Variants in MDGA2 observed in about 807,000 individuals in gnomAD.
MDGA2 encodes the protein MAM domain containing glycosylphosphatidylinositol anchor 2.
In MDGA2, 40 loss-of-function variants were observed where a neutral mutation model predicts 117.8. That is an observed-to-expected ratio of 0.34 (90% confidence interval 0.26 to 0.44). The LOEUF (loss-of-function observed/expected upper bound fraction) is 0.44. Ranked by LOEUF, MDGA2 falls within the 20% of genes least tolerant of loss-of-function variation. The pLI is 1.00. For synonymous variants in MDGA2, 452 were observed against 439.0 expected, an observed-to-expected ratio of 1.03 and a Z score of -0.37; for missense variants, 1,123 against 1,250.6, an observed-to-expected ratio of 0.90 and a Z score of 1.54.
chr14:47,396,186 T>TA (rs1892004614), intron 1 of MDGA2, among the ~76,000 whole-genome samples: 1 of 152,150 alleles, frequency 6.6e-6, no homozygotes, highest in African/African-American at 2.4e-5. Context: ...GGAATTTTAT[T>TA]TTTTTTCTGT....
intron 11 of MDGA2, among the ~76,000 whole-genome samples, chr14:46,879,357 TG>T (rs1474421498): frequency 1.3e-5 from 2 of 152,122 alleles, no homozygotes; most frequent in African/African-American, 4.8e-5. Flanking sequence ...AAGTTTGTGT[TG>T]TTTAAGCCTC....
At chr14:47,155,913 T>C (rs1566654752) in intron 3 of MDGA2, among the ~76,000 whole-genome samples, 3 of 57,048 alleles carry the variant, frequency 5.3e-5, no homozygotes, top group East Asian at 3.9e-4. Flanking sequence ...TTTTTTTTTT[T>C]TTTTTTTTTT....
intron 1 of MDGA2, among the ~76,000 whole-genome samples, chr14:47,544,018 C>A (rs933485043): frequency 6.6e-6 from 1 of 152,140 alleles, no homozygotes; most frequent in Non-Finnish European, 1.5e-5. Flanking sequence ...CTTCTTTGGT[C>A]CTCCTCAGGC....
intron 15 of MDGA2, among the ~76,000 whole-genome samples, chr14:46,854,117 A>G (rs1881169750): frequency 6.6e-6 from 1 of 151,722 alleles, no homozygotes; most frequent in African/African-American, 2.4e-5. Context: ...ATTAGATTAC[A>G]AGAAAAGGTC....
At chr14:47,143,850 A>T (rs974019382) in intron 4 of MDGA2, among the ~76,000 whole-genome samples, 107 of 152,350 alleles carry the variant, frequency 7.0e-4, no homozygotes, top group African/African-American at 2.5e-3. Flanking sequence ...GTTAGGACAT[A>T]GTAAGTTAAA....
At chr14:47,382,365 A>T (rs546396970) in intron 1 of MDGA2, among the ~76,000 whole-genome samples, 17 of 152,344 alleles carry the variant, frequency 1.1e-4, no homozygotes, top group African/African-American at 4.1e-4. Flanking sequence ...GGATCTAATT[A>T]AACTAAAGAG....
intron 7 of MDGA2, among the ~76,000 whole-genome samples, chr14:47,060,257 T>G (rs1443929842): frequency 6.6e-6 from 1 of 152,070 alleles, no homozygotes; most frequent in Non-Finnish European, 1.5e-5. Flanking sequence ...GTTAGCACAT[T>G]TTTGTTAGCC....
chr14:47,039,078 A>T (rs1888968938), intron 7 of MDGA2, among the ~76,000 whole-genome samples: 1 of 152,118 alleles, frequency 6.6e-6, no homozygotes, highest in African/African-American at 2.4e-5. Flanking sequence ...GTCCCCACTA[A>T]ATTTTCTATC....
intron 7 of MDGA2, among the ~76,000 whole-genome samples, chr14:47,037,574 G>A (rs1371512486): frequency 6.6e-6 from 1 of 152,132 alleles, no homozygotes; most frequent in Non-Finnish European, 1.5e-5. Context: ...ATGAATGTGA[G>A]GGAGTATACA....
chr14:47,004,221 C>A (rs1887632090), intron 8 of MDGA2, among the ~76,000 whole-genome samples: 1 of 151,772 alleles, frequency 6.6e-6, no homozygotes, highest in Non-Finnish European at 1.5e-5. Flanking sequence ...CAGAGAAATA[C>A]AAATTAATGA....
At chr14:46,998,760 C>G (rs1436993017) in intron 8 of MDGA2, among the ~76,000 whole-genome samples, 3 of 152,062 alleles carry the variant, frequency 2.0e-5, no homozygotes, top group Admixed American at 2.0e-4. Flanking sequence ...TCATTATTAA[C>G]TAAATATGTG....
At chr14:47,664,648 G>T (rs1897909496) in intron 1 of MDGA2, among the ~76,000 whole-genome samples, 1 of 152,162 alleles carries the variant, frequency 6.6e-6, no homozygotes, top group Non-Finnish European at 1.5e-5. Flanking sequence ...ATGCTGTCTT[G>T]CACTGTAATA....
intron 10 of MDGA2, among the ~76,000 whole-genome samples, chr14:46,892,081 T>A (rs1882906382): frequency 6.6e-6 from 1 of 151,836 alleles, no homozygotes; most frequent in Admixed American, 6.6e-5. Flanking sequence ...AAATGTTTTT[T>A]AAATAAGCTT....
chr14:47,143,992 T>C (rs1212260554), intron 4 of MDGA2, 86 bp downstream of exon 4: 1 of 1,025,330 alleles, frequency 9.8e-7, no homozygotes, highest in Non-Finnish European at 1.3e-6. Flanking sequence ...AGAAACTATC[T>C]TTTCAAATAG....
intron 2 of MDGA2, among the ~76,000 whole-genome samples, chr14:47,220,969 C>CT (rs1291504730): frequency 6.6e-6 from 1 of 152,188 alleles, no homozygotes. Context: ...AAATAATACT[C>CT]TAACTCCCAA....
intron 2 of MDGA2, among the ~76,000 whole-genome samples, chr14:47,239,176 T>C (rs1214582015): frequency 1.3e-5 from 2 of 150,904 alleles, no homozygotes; most frequent in South Asian, 4.2e-4. Flanking sequence ...ACAAAACATA[T>C]TATGTGACCC....
In MDGA2 at chr14:46,920,022, C is replaced by T. The variant is rs45471296; in HGVS notation, c.2228G>A (p.Gly743Asp). 1.9e-6 allele frequency: 3 copies of T among 1,576,698 alleles called. No homozygotes were observed. Among genetic ancestry groups the T allele is most frequent in the Non-Finnish European group, 2.6e-6 (3 of 1,165,438 alleles). Residue 743 changes from glycine (G) to aspartate (D), a missense_variant, in exon 10 of 17, where the codon GGC becomes GAC. By Grantham distance (94) the Gly-to-Asp change is moderately conservative. Transcript: ENST00000399232. ...AVDRIVAYRL[G>D]IRQAGQQRWW... Reference sequence around the variant, plus strand: ...AGTTAGATTTCTCACCTGCCTGATGCCCAACCGGTATGCAACAATCCGATC... The same window carrying T: ...AGTTAGATTTCTCACCTGCCTGATGTCCAACCGGTATGCAACAATCCGATC...
intron 2 of MDGA2, among the ~76,000 whole-genome samples, chr14:47,272,084 T>G (rs182697410): frequency 2.2e-4 from 33 of 152,240 alleles, no homozygotes; most frequent in African/African-American, 7.9e-4. Context: ...TTTTCTTTAG[T>G]TAAGTATAAA....
intron 1 of MDGA2, among the ~76,000 whole-genome samples, chr14:47,561,158 G>GGTTTTTTTTTTTT (rs1566515949): frequency 9.1e-5 from 5 of 55,074 alleles, no homozygotes; most frequent in Non-Finnish European, 1.7e-4. Flanking sequence ...TTTTTGTTTT[G>GGTTTTTTTTTTTT]TTTTGTTTTT....
Sources: gnomAD v4.1 joint callset for allele counts (sites outside exome capture counted in the v4.1 genomes callset) on GRCh38, gnomAD v4.1.1 for gene constraint, MANE v1.5 for transcripts, NCBI Gene and HGNC (gene_info 2026-07-23, HGNC 2026-07-21) for gene names.